Variants in SLIT1 observed in about 807,000 individuals in gnomAD.
The protein encoded by SLIT1 is slit homolog 1 protein.
In SLIT1, 66 loss-of-function variants were observed where a neutral mutation model predicts 186.1. The observed-to-expected ratio is 0.35, with a 90% CI of 0.29 to 0.44. The LOEUF is 0.44. Among genes scored for constraint, SLIT1 ranks in the 20% least tolerant of loss-of-function variants. The pLI, the probability that SLIT1 is intolerant of heterozygous loss-of-function variation, is 1.00. For synonymous variants in SLIT1, 761 were observed against 833.8 expected (o/e 0.91, Z 1.50); for missense variants, 1,638 against 2,037.4 (o/e 0.80, Z 3.77).
Position 97,183,385 on chromosome 10 carries a change from C to G in SLIT1, c.197+2093G>C, listed in dbSNP as rs535566310. 2.0e-5 allele frequency among the ~76,000 whole-genome samples: 3 copies of G among 152,328 alleles called. No homozygotes were observed. In the East Asian group the frequency reaches 5.8e-4, roughly 29 times the overall value. On this transcript the variant is annotated intron_variant, in intron 1 of 36. Coordinates refer to ENST00000266058, the MANE Select transcript of SLIT1 (RefSeq NM_003061.3). ...TCCCTATCCTATCATAATAATGGCT[C>G]TCGTTTAGCGAGCATCAGAAGGTAC...
At chr10:97,050,169 T>C (rs964359372) in intron 13 of SLIT1, among the ~76,000 whole-genome samples, 6 of 152,090 alleles carry the variant, frequency 3.9e-5, no homozygotes, top group Non-Finnish European at 8.8e-5. Flanking sequence ...AAAAAAGAAG[T>C]ACGGGGAGAC....
intron 4 of SLIT1, among the ~76,000 whole-genome samples, chr10:97,145,121 C>G (rs887831991): frequency 3.3e-5 from 5 of 152,020 alleles, no homozygotes; most frequent in Non-Finnish European, 5.9e-5. Context: ...AAATGATGTA[C>G]AGTATTATTG....
At chr10:97,057,090 A>C in intron 12 of SLIT1, 120 bp downstream of exon 12, 1 of 735,122 alleles carries the variant, frequency 1.4e-6, no homozygotes, top group South Asian at 1.8e-5. Flanking sequence ...CCTGTCTTCC[A>C]AGCTCATTGT....
chr10:97,014,978 G>A (rs187383041), intron 28 of SLIT1, among the ~76,000 whole-genome samples: 17 of 152,278 alleles, frequency 1.1e-4, no homozygotes, highest in African/African-American at 3.4e-4. Flanking sequence ...AAAGGGCTGC[G>A]GTGAGCAGGA....
intron 23 of SLIT1, among the ~76,000 whole-genome samples, chr10:97,033,418 T>G (rs1309899022): frequency 2.0e-5 from 3 of 152,182 alleles, no homozygotes; most frequent in Non-Finnish European, 4.4e-5. Context: ...GGAATATAAT[T>G]AAAGCCAGCA....
intron 4 of SLIT1, among the ~76,000 whole-genome samples, chr10:97,112,239 C>T (rs1054621741): frequency 3.3e-5 from 5 of 152,038 alleles, no homozygotes; most frequent in Non-Finnish European, 7.4e-5. Flanking sequence ...AGCTCCACCA[C>T]TCCCTGACAG....
intron 4 of SLIT1, among the ~76,000 whole-genome samples, chr10:97,156,851 C>G (rs964330930): frequency 5.3e-5 from 8 of 151,834 alleles, no homozygotes; most frequent in Non-Finnish European, 1.2e-4. Context: ...ACCCATAGCT[C>G]CTTCAGGGAC....
chr10:97,059,942 G>A, intron 10 of SLIT1, 145 bp downstream of exon 10: 2 of 739,728 alleles, frequency 2.7e-6, no homozygotes, highest in Admixed American at 3.7e-5. Context: ...CAGCCAAGCA[G>A]CCTGAAGGGC....
At chr10:97,017,462 C>T (rs975571112) in intron 28 of SLIT1, among the ~76,000 whole-genome samples, 1 of 152,166 alleles carries the variant, frequency 6.6e-6, no homozygotes, top group African/African-American at 2.4e-5. Context: ...GGGTGGGGCT[C>T]ATTGGGCGGT....
chr10:97,170,900 G>T (rs1850178752), intron 1 of SLIT1, among the ~76,000 whole-genome samples: 1 of 152,016 alleles, frequency 6.6e-6, no homozygotes, highest in Non-Finnish European at 1.5e-5. Context: ...AACTCCCTGG[G>T]CTCCTCTCGG....
rs201503695 is a variant in SLIT1 at position 97,033,050 on chromosome 10, C to T, written c.2439-1373G>A. Among the ~76,000 whole-genome samples the T allele has an allele frequency of 1.9e-3, 265 of 139,782 alleles. 2 individuals are homozygous for T. The highest frequency in any genetic ancestry group is 6.9e-3 in the African/African-American group (261 of 38,020). The allele number at this position is 139,782 out of a possible 152,430, so 91.7% of individuals were successfully genotyped here. ...AGAATAGCACTCTTTTTCTTTCTTT[C>T]TTTTTTTTTTTTTTTTGAGACAAGG... On this transcript the variant is annotated intron_variant, in intron 23 of 36. Transcript: ENST00000266058.
Position 97,021,674 on chromosome 10 carries a change from T to C in SLIT1, c.2583-261A>G, listed in dbSNP as rs76812721. On this transcript the variant is annotated intron_variant, in intron 25 of 36. Transcript: ENST00000266058. The surrounding 1 kb of genome is among the most constrained non-coding windows in gnomAD (Gnocchi z 4.5). Reference sequence around the variant, plus strand: ...GCCTCCCAGGTTTAAGCAATTCTCCTGTCTCATACTCCCAAGTATCTGGGA... The same window carrying C: ...GCCTCCCAGGTTTAAGCAATTCTCCCGTCTCATACTCCCAAGTATCTGGGA... Among the ~76,000 whole-genome samples, 398 of 152,010 alleles carry C rather than the reference T, an allele frequency of 2.6e-3. 9 individuals carry two copies. In the East Asian group the frequency reaches 0.051, roughly 19 times the overall value.
chr10:97,169,717 C>T (rs1225679249), intron 1 of SLIT1, among the ~76,000 whole-genome samples: 1 of 152,238 alleles, frequency 6.6e-6, no homozygotes, highest in East Asian at 1.9e-4. Context: ...CCCACACCCA[C>T]CACTTCTTCC....
At chr10:97,035,967 T>G (rs1161330659) in intron 22 of SLIT1, among the ~76,000 whole-genome samples, 1 of 152,066 alleles carries the variant, frequency 6.6e-6, no homozygotes, top group Non-Finnish European at 1.5e-5. Context: ...ACAGCCCTAA[T>G]CAGCATTGAC....
In SLIT1 at chr10:96,999,472, GAACA is replaced by G. The variant is rs1158123879; in HGVS notation, c.*1636_*1639del. On this transcript the variant is annotated 3_prime_UTR_variant, in exon 37 of 37. Coordinates refer to ENST00000266058, the MANE Select transcript of SLIT1 (RefSeq NM_003061.3). ...CACAATGCCACTCTGAGCCTCACCT[GAACA>G]TACACCCAGCCATGCCTCCTGGTCA... 1 of 152,424 alleles carries G rather than the reference GAACA, an allele frequency of 6.6e-6. No homozygotes were observed. The highest frequency in any genetic ancestry group is 1.5e-5 in the Non-Finnish European group (1 of 68,246). 9.4% of individuals were successfully genotyped at this position (152,424 alleles called of 1,614,324 possible).
At chr10:97,141,681 T>TGTACC (rs1554853327) in intron 4 of SLIT1, among the ~76,000 whole-genome samples, 1 of 140,910 alleles carries the variant, frequency 7.1e-6, no homozygotes, top group Non-Finnish European at 1.5e-5. Context: ...TGTATCGTAT[T>TGTACC]GTATCGTATC....
chr10:97,088,248 C>A (rs1247487121), intron 4 of SLIT1, among the ~76,000 whole-genome samples: 1 of 152,222 alleles, frequency 6.6e-6, no homozygotes, highest in African/African-American at 2.4e-5. Flanking sequence ...CCTATCTTCT[C>A]TGTCCCTCAA....
intron 13 of SLIT1, among the ~76,000 whole-genome samples, chr10:97,055,871 G>A (rs761394149): frequency 2.0e-5 from 3 of 152,150 alleles, no homozygotes; most frequent in Admixed American, 6.5e-5. Context: ...ACTAAGTGAT[G>A]TACCACTGAT....
chr10:97,027,637 C>T (rs1016190675), intron 25 of SLIT1, among the ~76,000 whole-genome samples: 3 of 152,200 alleles, frequency 2.0e-5, no homozygotes, highest in Middle Eastern at 3.2e-3. Flanking sequence ...TTCTTATAAA[C>T]TAGATCTGGC....
Sources: gnomAD v4.1 joint callset for allele counts (sites outside exome capture counted in the v4.1 genomes callset) on GRCh38, gnomAD v4.1.1 for gene constraint, Gnocchi (gnomAD v3.1) non-coding constraint, MANE v1.5 for transcripts, NCBI Gene and HGNC (gene_info 2026-07-23, HGNC 2026-07-21) for gene names.